Variants in MMP26 observed in about 807,000 individuals in gnomAD.
MMP26 encodes matrix metalloproteinase-26.
In MMP26, 33 loss-of-function variants were observed where a neutral mutation model predicts 31.0. The ratio of observed to expected loss-of-function variants is 1.06; its 90% CI spans 0.81 to 1.42. The LOEUF is 1.42. Ranked by LOEUF, MMP26 falls within the 40% of genes most tolerant of loss-of-function variation. The pLI is 0.00. For synonymous variants in MMP26, 122 were observed against 114.9 expected, an observed-to-expected ratio of 1.06 and a Z score of -0.40; for missense variants, 347 against 316.1, an observed-to-expected ratio of 1.10 and a Z score of -0.74.
intron 2 of MMP26, among the ~76,000 whole-genome samples, chr11:4,775,762 G>A (rs1848783738): frequency 6.6e-6 from 1 of 151,922 alleles, no homozygotes; most frequent in South Asian, 2.1e-4. Context: ...GAGAGAGAGA[G>A]AGAGAGAGAA....
intron 2 of MMP26, among the ~76,000 whole-genome samples, chr11:4,816,667 A>T (rs1304452628): frequency 1.4e-5 from 2 of 148,010 alleles, no homozygotes; most frequent in Non-Finnish European, 3.0e-5. Context: ...AAAGGAAATA[A>T]TTGATTTTCT....
At chr11:4,757,803 G>GA (rs368562522) in intron 1 of MMP26, among the ~76,000 whole-genome samples, 156 of 127,130 alleles carry the variant, frequency 1.2e-3, no homozygotes, top group African/African-American at 3.6e-3. Flanking sequence ...GAAAAAAAGA[G>GA]AAAAAAAAAA....
chr11:4,926,706 T>C (rs1417498949), intron 2 of MMP26, among the ~76,000 whole-genome samples: 1 of 152,112 alleles, frequency 6.6e-6, no homozygotes, highest in Non-Finnish European at 1.5e-5. Context: ...ACTTTCAAAA[T>C]ATAGTCCTTG....
intron 2 of MMP26, among the ~76,000 whole-genome samples, chr11:4,872,620 A>G (rs1313979147): frequency 6.6e-6 from 1 of 151,814 alleles, no homozygotes; most frequent in Non-Finnish European, 1.5e-5. Flanking sequence ...GCCAGCTTTT[A>G]CTCAGCAGCT....
chr11:4,841,086 TG>T (rs1489698136), intron 2 of MMP26, among the ~76,000 whole-genome samples: 1 of 152,108 alleles, frequency 6.6e-6, no homozygotes, highest in African/African-American at 2.4e-5. Flanking sequence ...TTAGTGAGCC[TG>T]AAGACAGGCT....
At chr11:4,821,772 A>T in intron 2 of MMP26, 1 of 1,613,754 alleles carries the variant, frequency 6.2e-7, no homozygotes, top group Non-Finnish European at 8.5e-7. Context: ...CTGGGGTTCT[A>T]CTGGCCATGG....
chr11:4,723,806 A>G, intron 1 of MMP26: 1 of 1,571,780 alleles, frequency 6.4e-7, no homozygotes, highest in East Asian at 2.2e-5. Context: ...AGGAGGCTCC[A>G]CTTGGTCTCC....
Position 4,870,697 on chromosome 11 carries a change from T to C in MMP26, c.-145+103356T>C, listed in dbSNP as rs190882709. ...GGGTGAATTGTGGTGTGGTTAGTGA[T>C]TTACTGAAATGAACCTTAAGCAGAT... is the stretch of plus-strand genomic sequence containing the variant. On this transcript the variant is annotated intron_variant, in intron 2 of 7. Transcript: ENST00000380390. Among the ~76,000 whole-genome samples, 3 of 152,250 alleles carry C rather than the reference T, an allele frequency of 2.0e-5. No homozygotes were observed. The East Asian group carries it at 5.8e-4, about 29-fold the overall frequency.
At position 4,974,734 on chromosome 11, in the gene MMP26, T is replaced by C. The variant is rs184434980; in HGVS notation, c.-144-13334T>C. Among the ~76,000 whole-genome samples, 535 of 152,202 alleles carry C rather than the reference T, an allele frequency of 3.5e-3. 7 individuals are homozygous for C. The highest frequency in any genetic ancestry group is 9.9e-3 in the African/African-American group (409 of 41,484). ...CTTTGTAAAGAAATCCTAGGAAGGATTTTTATGTGGTACATGTACGCCACA... is the reference window on the plus strand; with the variant it reads ...CTTTGTAAAGAAATCCTAGGAAGGACTTTTATGTGGTACATGTACGCCACA... On this transcript the variant is annotated intron_variant, in intron 2 of 7. Transcript: ENST00000380390.
chr11:4,880,359 G>T (rs1273118882), intron 2 of MMP26, among the ~76,000 whole-genome samples: 1 of 151,896 alleles, frequency 6.6e-6, no homozygotes, highest in Admixed American at 6.6e-5. Context: ...ATGAGGGATG[G>T]TAAGATAAGG....
intron 2 of MMP26, among the ~76,000 whole-genome samples, chr11:4,879,914 T>A (rs1564799137): frequency 6.6e-6 from 1 of 152,138 alleles, no homozygotes. Context: ...CAGGGAGCCT[T>A]CCTGGCTGAG....
At chr11:4,772,366 T>TGTTC (rs1022925557) in intron 2 of MMP26, among the ~76,000 whole-genome samples, 2 of 152,174 alleles carry the variant, frequency 1.3e-5, no homozygotes, top group Admixed American at 1.3e-4. Flanking sequence ...AAGAAACCAC[T>TGTTC]GTTCACTGGG....
At chr11:4,942,799 A>T (rs983285236) in intron 2 of MMP26, 2 of 152,216 alleles carry the variant, frequency 1.3e-5, no homozygotes, top group Non-Finnish European at 2.9e-5. Flanking sequence ...AGACCCACAC[A>T]AATATATTAT....
chr11:4,859,849 G>C (rs74054606), intron 2 of MMP26: 1 of 471,260 alleles, frequency 2.1e-6, no homozygotes, highest in South Asian at 1.5e-5. Context: ...TGTGCTGAGG[G>C]TTTTCAGCCT....
At chr11:4,715,690 CT>C (rs1244039871) in intron 1 of MMP26, among the ~76,000 whole-genome samples, 5 of 152,008 alleles carry the variant, frequency 3.3e-5, no homozygotes, top group Non-Finnish European at 7.4e-5. Context: ...GAAGTTGAAC[CT>C]ATAAAGATTT....
chr11:4,835,278 G>A (rs1415172333), intron 2 of MMP26, among the ~76,000 whole-genome samples: 2 of 150,340 alleles, frequency 1.3e-5, no homozygotes, highest in Non-Finnish European at 3.0e-5. Context: ...GGAGAGCTTT[G>A]TTTATCAAGT....
rs143882013 is a variant in MMP26, at chr11:4,803,474, C to T, written c.-145+36133C>T. 238 of 1,613,156 alleles carry T rather than the reference C, an allele frequency of 1.5e-4. No homozygotes were observed. Among genetic ancestry groups the T allele is most frequent in the Non-Finnish European group, 1.9e-4 (219 of 1,179,428 alleles). On this transcript the variant is annotated intron_variant, in intron 2 of 7. Coordinates refer to ENST00000380390, the MANE Select transcript of MMP26 (RefSeq NM_021801.5). ...CAACATCCTTGGATAACCCTGTCCC[C>T]GATCTGTTTGGTTCTAACTCCATAA...
intron 2 of MMP26, among the ~76,000 whole-genome samples, chr11:4,905,052 A>G (rs994907570): frequency 6.6e-6 from 1 of 152,178 alleles, no homozygotes; most frequent in Admixed American, 6.5e-5. Flanking sequence ...GACCTGAGTC[A>G]ATATCCCTCA....
chr11:4,756,866 A>AT (rs1203539265), intron 1 of MMP26: 1 of 152,134 alleles, frequency 6.6e-6, no homozygotes, highest in Non-Finnish European at 1.5e-5. Context: ...GCTGAGAGAT[A>AT]TTTTAAAAGA....
Sources: gnomAD v4.1 joint callset for allele counts (sites outside exome capture counted in the v4.1 genomes callset) on GRCh38, gnomAD v4.1.1 for gene constraint, MANE v1.5 for transcripts, NCBI Gene and HGNC (gene_info 2026-07-23, HGNC 2026-07-21) for gene names.